The following HMG20A variants were observed in gnomAD, a reference collection of about 807,000 sequenced individuals.
HMG20A encodes high mobility group 20A.
In HMG20A, 17 loss-of-function variants were observed where a neutral mutation model predicts 43.9. That is an observed-to-expected ratio of 0.39 (90% confidence interval 0.27 to 0.58). HMG20A has a LOEUF of 0.58. Ranked by LOEUF, HMG20A falls within the 20% of genes least tolerant of loss-of-function variation. HMG20A has a pLI of 0.59. For missense variants in HMG20A, 341 were observed against 438.2 expected, an observed-to-expected ratio of 0.78 and a Z score of 1.98; for synonymous variants, 132 against 147.5, an observed-to-expected ratio of 0.89 and a Z score of 0.76.
the HMG20A span, among the ~76,000 whole-genome samples, chr15:77,492,238 AAGT>A: frequency 1.3e-5 from 2 of 152,268 alleles, no homozygotes; most frequent in African/African-American, 4.8e-5. Flanking sequence ...CATAATTTTA[AAGT>A]AGTAGTGACC....
intron 1 of HMG20A, among the ~76,000 whole-genome samples, chr15:77,422,441 C>A (rs1004665960): frequency 6.6e-6 from 1 of 152,092 alleles, no homozygotes; most frequent in Non-Finnish European, 1.5e-5. Context: ...CATGGTGAAA[C>A]CCCGTCTCTA....
chr15:77,428,085 C>A lies in HMG20A; in HGVS notation c.-5+7081C>A, dbSNP rs563406271. Among the ~76,000 whole-genome samples the A allele has an allele frequency of 2.0e-5, 3 of 152,290 alleles. No individual in the cohort carries two copies. In the East Asian group the frequency reaches 5.8e-4, roughly 29 times the overall value. On this transcript the variant is annotated intron_variant, in intron 1 of 9. Transcript: ENST00000336216. ...CTTGGGACAATCAAGCACTGACTTA[C>A]CTGTGTTCATAATGAAGCATTTAGC...
chr15:77,445,321 G>A (rs988173170), intron 1 of HMG20A, among the ~76,000 whole-genome samples: 9 of 152,156 alleles, frequency 5.9e-5, no homozygotes, highest in Non-Finnish European at 1.0e-4. Flanking sequence ...GAACCAATAA[G>A]GACCCTTTCC....
At chr15:77,476,287 G>A (rs1049563813) in intron 6 of HMG20A, among the ~76,000 whole-genome samples, 2 of 152,106 alleles carry the variant, frequency 1.3e-5, no homozygotes, top group African/African-American at 4.8e-5. Flanking sequence ...TTCAAGACCA[G>A]CCTGGCCAAC....
chr15:77,478,078 G>A (rs1472797729), intron 7 of HMG20A: 2 of 582,816 alleles, frequency 3.4e-6, no homozygotes, highest in Non-Finnish European at 6.1e-6. Flanking sequence ...GCAATCTTAT[G>A]TATGGAATGT....
chr15:77,506,480 G>A, the HMG20A span, among the ~76,000 whole-genome samples: 1 of 152,224 alleles, frequency 6.6e-6, no homozygotes, highest in Admixed American at 6.5e-5. Context: ...CAGACCTGGA[G>A]TGTGCGGCTG....
At chr15:77,446,905 TG>T (rs1400061282) in intron 1 of HMG20A, among the ~76,000 whole-genome samples, 2 of 152,224 alleles carry the variant, frequency 1.3e-5, no homozygotes, top group African/African-American at 4.8e-5. Flanking sequence ...TTTTGTTTTT[TG>T]TTTTTTTCCT....
chr15:77,479,383 A>C, intron 9 of HMG20A, 62 bp downstream of exon 9: 1 of 1,512,036 alleles, frequency 6.6e-7, no homozygotes, highest in Non-Finnish European at 9.1e-7. Context: ...ATGTCATCAG[A>C]CTTTATCAAT....
chr15:77,499,834 C>CTT, the HMG20A span, among the ~76,000 whole-genome samples: 97 of 145,420 alleles, frequency 6.7e-4, no homozygotes, highest in Middle Eastern at 3.5e-3. Flanking sequence ...TTTTTCTTTT[C>CTT]TTTTTTTTTT....
intron 6 of HMG20A, 71 bp downstream of exon 6, chr15:77,471,885 A>ATTT: frequency 6.3e-6 from 4 of 638,564 alleles, no homozygotes; most frequent in South Asian, 2.3e-5. Context: ...ATGCTATTGG[A>ATTT]TTTTTTTTTT....
chr15:77,441,735 G>A (rs1000479911), intron 1 of HMG20A, among the ~76,000 whole-genome samples: 16 of 152,028 alleles, frequency 1.1e-4, no homozygotes, highest in African/African-American at 2.4e-4. Flanking sequence ...AGAAATCACA[G>A]TTAAGCTTTT....
At chr15:77,456,059 C>T (rs1023283078) in intron 1 of HMG20A, among the ~76,000 whole-genome samples, 1 of 152,086 alleles carries the variant, frequency 6.6e-6, no homozygotes, top group African/African-American at 2.4e-5. Flanking sequence ...TATCTGAAAC[C>T]ATATGGGTTT....
chr15:77,480,952 A>C (rs754537921), intron 9 of HMG20A, among the ~76,000 whole-genome samples: 10 of 152,234 alleles, frequency 6.6e-5, no homozygotes, highest in Admixed American at 2.0e-4. Flanking sequence ...TGAGGTGGCC[A>C]TATATGGATA....
intron 1 of HMG20A, among the ~76,000 whole-genome samples, chr15:77,441,711 A>T (rs2073614742): frequency 1.3e-5 from 2 of 152,134 alleles, no homozygotes; most frequent in South Asian, 4.1e-4. Context: ...CCAAATTTTG[A>T]GTGAATTTGT....
intron 6 of HMG20A, among the ~76,000 whole-genome samples, chr15:77,472,591 C>T (rs1423298842): frequency 2.6e-5 from 4 of 152,162 alleles, no homozygotes; most frequent in African/African-American, 7.2e-5. Flanking sequence ...TCAGTTCTCA[C>T]ACCTCCTTTC....
At chr15:77,477,728 C>A in intron 7 of HMG20A, 98 bp downstream of exon 7, 2 of 782,460 alleles carry the variant, frequency 2.6e-6, no homozygotes, top group East Asian at 2.6e-5. Flanking sequence ...TAGTGTTATC[C>A]CTCCTTAGGA....
intron 6 of HMG20A, among the ~76,000 whole-genome samples, chr15:77,474,373 G>A (rs1212467474): frequency 1.3e-5 from 2 of 152,196 alleles, no homozygotes; most frequent in South Asian, 2.1e-4. Context: ...CATTTTGCCA[G>A]TGAGGAAAGT....
At chr15:77,431,739 T>G (rs1382163039) in intron 1 of HMG20A, among the ~76,000 whole-genome samples, 1 of 152,216 alleles carries the variant, frequency 6.6e-6, no homozygotes, top group African/African-American at 2.4e-5. Context: ...AATAGATATC[T>G]CAAACTTATT....
chr15:77,511,747 A>G, the HMG20A span, among the ~76,000 whole-genome samples: 5 of 152,218 alleles, frequency 3.3e-5, no homozygotes, highest in Non-Finnish European at 7.4e-5. Flanking sequence ...CTACTATCAA[A>G]GAAAGAAAAT....
Sources: allele counts gnomAD v4.1 joint callset (sites outside exome capture counted in the v4.1 genomes callset), GRCh38; gene constraint gnomAD v4.1.1; transcripts MANE v1.5; gene names NCBI Gene and HGNC (gene_info 2026-07-23, HGNC 2026-07-21).